The following BDP1 variants were observed in gnomAD, a reference collection of about 807,000 sequenced individuals.
BDP1 encodes the protein transcription factor TFIIIB component B'' homolog.
BDP1 carries 169 observed loss-of-function variants against 266.6 expected under a neutral mutation model. The ratio of observed to expected loss-of-function variants is 0.63; its 90% CI spans 0.56 to 0.72. The LOEUF (loss-of-function observed/expected upper bound fraction) is 0.72, where lower values mean the gene tolerates loss of function less well. BDP1 is among the 30% of genes least tolerant of loss of function. The probability of loss-of-function intolerance (pLI) is 0.00; values close to 1 mark genes in which losing one functional copy is unlikely to be tolerated. For synonymous variants in BDP1, 1,090 were observed against 1,022.4 expected (o/e 1.07, Z -1.26); for missense variants, 3,015 against 3,053.8 (o/e 0.99, Z 0.30).
intron 6 of BDP1, among the ~76,000 whole-genome samples, chr5:71,468,437 T>C (rs1409697410): frequency 6.6e-6 from 1 of 151,934 alleles, no homozygotes; most frequent in Non-Finnish European, 1.5e-5. Context: ...CGTGAGTCGT[T>C]GTGCCCAGCC....
intron 35 of BDP1, among the ~76,000 whole-genome samples, chr5:71,555,034 A>G (rs972547072): frequency 6.6e-5 from 10 of 152,342 alleles, no homozygotes; most frequent in African/African-American, 2.2e-4. Context: ...CTCAGCCTGT[A>G]CAAAATTGTA....
intron 9 of BDP1, among the ~76,000 whole-genome samples, 168 bp from the exon 10 acceptor site, chr5:71,489,236 G>T (rs1010578471): frequency 1.2e-4 from 19 of 152,094 alleles, no homozygotes; most frequent in African/African-American, 2.4e-5. Flanking sequence ...TGGCTCCGTG[G>T]ATTTTTATAT....
intron 1 of BDP1, among the ~76,000 whole-genome samples, chr5:71,456,701 C>G (rs1489226813): frequency 6.6e-6 from 1 of 152,124 alleles, no homozygotes; most frequent in African/African-American, 2.4e-5. Context: ...AATAATATTG[C>G]CTACTTGGAG....
At position 71,560,084 on chromosome 5, in the gene BDP1, G is replaced by A; in HGVS notation, c.7343G>A (p.Gly2448Glu). The change falls in exon 37 of 39, where the codon GGA (glycine) becomes GAA (glutamate). Residue 2448 changes from glycine to glutamate, a missense_variant. By Grantham distance (98) the Gly-to-Glu change is moderately conservative (BLOSUM62 -2). This residue lies in a region of BDP1 where 629 missense variants were observed against 632.5 expected (regional missense o/e 0.99). Coordinates refer to ENST00000358731, the MANE Select transcript of BDP1 (RefSeq NM_018429.3). ...GTTGAAGCAGCTTTTCAGAGTAGAG[G>A]ATCTAGATCTCCTGATGCATGCATG... ...QQVEAAFQSR[G>E]SRSPDACMDK... The A allele has an allele frequency of 6.2e-7, 1 of 1,614,050 alleles. No homozygotes were observed. The highest frequency in any genetic ancestry group is 1.3e-5 in the African/African-American group (1 of 75,028).
intron 7 of BDP1, among the ~76,000 whole-genome samples, chr5:71,473,431 C>G (rs947449342): frequency 6.6e-6 from 1 of 151,272 alleles, no homozygotes; most frequent in African/African-American, 2.4e-5. Context: ...CCCGCCACCA[C>G]GCCCAGCTAA....
Position 71,518,477 on chromosome 5 carries a change from G to T in BDP1, c.4991+1025G>T, listed in dbSNP as rs574727958. ...TTATATTTACTTTTTGAGACAAGGT[G>T]TCTCACTGTGTCGCCCAGGATGGAG... is the stretch of plus-strand genomic sequence containing the variant. On this transcript the variant is annotated intron_variant, in intron 22 of 38. Transcript: ENST00000358731. Among the ~76,000 whole-genome samples the T allele has an allele frequency of 2.6e-5, 4 of 152,256 alleles. No homozygotes were observed. In the South Asian group the frequency reaches 8.3e-4, roughly 32 times the overall value.
chr5:71,461,420 C>T (rs867301875), intron 2 of BDP1, among the ~76,000 whole-genome samples: 3 of 150,498 alleles, frequency 2.0e-5, no homozygotes, highest in Non-Finnish European at 4.4e-5. Flanking sequence ...GCCTTGGCAA[C>T]GTAGGGAGAC....
intron 22 of BDP1, among the ~76,000 whole-genome samples, chr5:71,520,437 T>C (rs1221516980): frequency 1.3e-5 from 2 of 152,244 alleles, no homozygotes; most frequent in African/African-American, 4.8e-5. Context: ...ATTAGACTTA[T>C]ATTACAAATG....
At position 71,533,088 on chromosome 5, in the gene BDP1, A is replaced by G. The variant is rs375677212; in HGVS notation, c.5892+661A>G. ...ATGTAACATTTTTTACTGTTCATCT[A>G]TGTTGCAGCATGTAGTGGTACTTCC... On this transcript the variant is annotated intron_variant, in intron 26 of 38. Transcript: ENST00000358731. Among the ~76,000 whole-genome samples, 6 of 152,270 alleles carry G rather than the reference A, an allele frequency of 3.9e-5. No individual in the cohort carries two copies. The East Asian group carries it at 5.8e-4, about 15-fold the overall frequency.
chr5:71,506,758 T>TTATATATATATATATATATATATATA (rs67179518), intron 16 of BDP1, among the ~76,000 whole-genome samples: 33 of 135,848 alleles, frequency 2.4e-4, no homozygotes, highest in African/African-American at 8.9e-4. Context: ...GTTTGGAGGT[T>TTATATATATATATATATATATATATA]TATATATATA....
rs767135268 is a variant in BDP1 at position 71,513,178 on chromosome 5, C to G, written c.4248-7C>G. On this transcript the variant is annotated splice_polypyrimidine_tract_variant and splice_region_variant and intron_variant, in intron 18 of 38. Transcript: ENST00000358731. ...ATTCTAAAGCTTGATAATCCTTGTT[C>G]CAAAAGCAAATCTCTTCCTCAAGAA... The G allele has an allele frequency of 6.2e-7, 1 of 1,607,482 alleles. No individual in the cohort carries two copies. Among genetic ancestry groups the G allele is most frequent in the South Asian group, 1.1e-5 (1 of 90,230 alleles).
chr5:71,511,023 A>C lies in BDP1; in HGVS notation c.3931A>C (p.Thr1311Pro). 6.2e-7 allele frequency: 1 copy of C among 1,614,146 alleles called. No individual in the cohort carries two copies. Among genetic ancestry groups the C allele is most frequent in the Non-Finnish European group, 8.5e-7 (1 of 1,180,026 alleles). The change falls in exon 17 of 39, where the codon ACT becomes CCT. Residue 1311 changes from threonine (T) to proline (P), a missense_variant. This residue lies in a region of BDP1 where 2,383 missense variants were observed against 2,404.9 expected (regional missense o/e 0.99). Transcript: ENST00000358731. ...TEEKVAELKQ[T>P]GKTDISPREN... is the part of the protein sequence containing the mutation. ...GGAAAAGGTGGCAGAATTGAAACAAACTGGAAAAACAGACATTTCTCCAAG... is the reference window on the plus strand; with the variant it reads ...GGAAAAGGTGGCAGAATTGAAACAACCTGGAAAAACAGACATTTCTCCAAG...
intron 14 of BDP1, among the ~76,000 whole-genome samples, chr5:71,502,208 A>G (rs1203080509): frequency 1.6e-5 from 2 of 127,514 alleles, no homozygotes; most frequent in African/African-American, 5.9e-5. Flanking sequence ...TTTTTTTGAG[A>G]TGGAATCTCG....
chr5:71,479,192 G>A (rs558469813), intron 7 of BDP1, among the ~76,000 whole-genome samples: 6 of 151,430 alleles, frequency 4.0e-5, no homozygotes, highest in East Asian at 2.0e-4. Context: ...ACAGGTGCCC[G>A]TCATGCGCCC....
At position 71,544,380 on chromosome 5, in the gene BDP1, G is replaced by A. The variant is rs1238235303; in HGVS notation, c.6436G>A (p.Ala2146Thr). ...QRETEKNASK[A>T]TELENKNLGP... is the part of the protein sequence containing the mutation. Reference sequence around the variant, plus strand: ...AGAAACAGAGAAAAATGCTTCCAAAGCAACAGAATTGGAAAATAAAAACCT... The same window carrying A: ...AGAAACAGAGAAAAATGCTTCCAAAACAACAGAATTGGAAAATAAAAACCT... The change falls in exon 31 of 39, where the codon GCA (alanine) becomes ACA (threonine). Residue 2146 changes from alanine to threonine, a missense_variant. By Grantham distance (58) the Ala-to-Thr change is moderately conservative. Transcript: ENST00000358731. 6.2e-7 allele frequency: 1 copy of A among 1,609,118 alleles called. No homozygotes were observed. Among genetic ancestry groups the A allele is most frequent in the African/African-American group, 1.3e-5 (1 of 74,626 alleles).
At chr5:71,568,655 G>T (rs1744162894), downstream of BDP1, among the ~76,000 whole-genome samples, 1 of 152,158 alleles carries the variant, frequency 6.6e-6, no homozygotes. Context: ...CAGACCACTA[G>T]ACCCTTAGGA....
At chr5:71,483,819 A>T in intron 7 of BDP1, 23 bp from the exon 8 acceptor site, 3 of 1,580,632 alleles carry the variant, frequency 1.9e-6, no homozygotes, top group Non-Finnish European at 2.6e-6. Flanking sequence ...GAAAATTACC[A>T]TAGGGTTTTT....
At chr5:71,460,734 T>G (rs939671045) in intron 2 of BDP1, among the ~76,000 whole-genome samples, 10 of 152,054 alleles carry the variant, frequency 6.6e-5, no homozygotes, top group Non-Finnish European at 1.0e-4. Flanking sequence ...GGTTGGGAAT[T>G]GGGGGTGGGG....
intron 5 of BDP1, 103 bp downstream of exon 5, chr5:71,466,324 C>A: frequency 8.3e-7 from 1 of 1,210,894 alleles, no homozygotes; most frequent in Non-Finnish European, 1.2e-6. Context: ...GTCACTTAGA[C>A]CTTGACGTTC....
Sources: allele counts gnomAD v4.1 joint callset (sites outside exome capture counted in the v4.1 genomes callset), GRCh38; gene constraint gnomAD v4.1.1; regional missense constraint gnomAD v4.1.1; transcripts MANE v1.5; gene names NCBI Gene and HGNC (gene_info 2026-07-23, HGNC 2026-07-21).